Variants in GARNL3 observed in about 807,000 individuals in gnomAD.
The protein encoded by GARNL3 is GTPase-activating Rap/Ran-GAP domain-like protein 3.
A neutral mutation model predicts 125.0 loss-of-function variants in GARNL3; 63 were observed. That is an observed-to-expected ratio of 0.50 (90% CI 0.41 to 0.62). The LOEUF (loss-of-function observed/expected upper bound fraction) is 0.62, where lower values mean the gene tolerates loss of function less well. Among genes scored for constraint, GARNL3 ranks in the 20% least tolerant of loss-of-function variants. The pLI is 0.00. For missense variants in GARNL3, 994 were observed against 1,244.0 expected (o/e 0.80, Z 3.02); for synonymous variants, 439 against 457.5 (o/e 0.96, Z 0.52).
chr9:127,310,496 T>C (rs2065063617), intron 2 of GARNL3, among the ~76,000 whole-genome samples: 1 of 152,136 alleles, frequency 6.6e-6, no homozygotes, highest in Non-Finnish European at 1.5e-5. Context: ...CTAAATGTTA[T>C]ACAGGCCAGG....
At chr9:127,373,768 A>G (rs1831732425) in intron 22 of GARNL3, among the ~76,000 whole-genome samples, 4 of 152,206 alleles carry the variant, frequency 2.6e-5, no homozygotes, top group African/African-American at 9.7e-5. Context: ...TCATGCCTGT[A>G]ATCCCAACAC....
At chr9:127,297,416 G>A (rs1332811804) in intron 2 of GARNL3, among the ~76,000 whole-genome samples, 1 of 152,204 alleles carries the variant, frequency 6.6e-6, no homozygotes. Flanking sequence ...TGGGATTTCA[G>A]CTGTGAGCCA....
intron 22 of GARNL3, 136 bp from the exon 23 acceptor site, chr9:127,383,302 G>T: frequency 1.8e-6 from 1 of 555,426 alleles, no homozygotes. Flanking sequence ...CCAGCATCAT[G>T]GCGGTATTCA....
chr9:127,326,546 A>G lies in GARNL3; in HGVS notation c.594+1451A>G, dbSNP rs186008998. Among the ~76,000 whole-genome samples the G allele has an allele frequency of 9.5e-4, 145 of 152,346 alleles. 1 individual carries two copies. Among genetic ancestry groups the G allele is most frequent in the Middle Eastern group, 3.4e-3 (1 of 294 alleles). ...TTACACATTGCATGCCTGTATCAAA[A>G]CATCTCATGTACCCCATAAATATAA... On this transcript the variant is annotated intron_variant, in intron 7 of 27. Transcript: ENST00000373387.
At chr9:127,388,636 C>G (rs1455781323) in intron 25 of GARNL3, 2 of 484,406 alleles carry the variant, frequency 4.1e-6, no homozygotes, top group African/African-American at 3.9e-5. Flanking sequence ...AGCAGGGCAG[C>G]TTTTTGCTTT....
chr9:127,387,600 G>A (rs548715756), intron 25 of GARNL3, among the ~76,000 whole-genome samples: 5 of 151,980 alleles, frequency 3.3e-5, no homozygotes, highest in East Asian at 1.9e-4. Flanking sequence ...AAAATTAGCC[G>A]GGTGTGGTGG....
chr9:127,393,383 G>A lies in GARNL3; in HGVS notation c.*129G>A. ...AGTGATCTATTGGACCAAACCTTCT[G>A]CACACTCGGCCAGTTCCCTCTCCAA... On this transcript the variant is annotated 3_prime_UTR_variant, in exon 28 of 28. Transcript: ENST00000373387. The A allele has an allele frequency of 1.4e-6, 1 of 726,706 alleles. No homozygotes were observed. Among genetic ancestry groups the A allele is most frequent in the Non-Finnish European group, 2.2e-6 (1 of 456,344 alleles). 45.0% of individuals were successfully genotyped at this position (726,706 alleles called of 1,614,324 possible). A position where few individuals can be genotyped will look rare whatever the true frequency, so the allele number is the denominator to read the frequency against.
At chr9:127,380,186 C>G (rs1421694303) in intron 22 of GARNL3, among the ~76,000 whole-genome samples, 1 of 143,320 alleles carries the variant, frequency 7.0e-6, no homozygotes, top group Non-Finnish European at 1.5e-5. Context: ...GAGCAAGACT[C>G]TGTCTCAAAA....
chr9:127,339,292 G>A (rs534643272), intron 12 of GARNL3, among the ~76,000 whole-genome samples: 26 of 124,698 alleles, frequency 2.1e-4, no homozygotes, highest in Non-Finnish European at 2.6e-4. Context: ...GCGAGACTCC[G>A]TCTCAAAAAA....
chr9:127,342,296 A>G lies in GARNL3; in HGVS notation c.1213A>G (p.Arg405Gly). The stretch of plus-strand genomic sequence containing the variant: ...TCGGCGTACCCTGGATATGTTGATT[A>G]GATCTTTACACCAGGATTTGATGCC... ...KRRRTLDMLI[R>G]SLHQDLMPDL... Residue 405 changes from arginine to glycine, a missense_variant, in exon 14 of 28, where the codon AGA (arginine) becomes GGA (glycine). By Grantham distance (125) the Arg-to-Gly change is moderately radical. This residue lies in a region of GARNL3 where 728 missense variants were observed against 865.7 expected (regional missense o/e 0.84). Transcript: ENST00000373387. 6.2e-7 allele frequency: 1 copy of G among 1,613,702 alleles called. No individual in the cohort carries two copies. The highest frequency in any genetic ancestry group is 8.5e-7 in the Non-Finnish European group (1 of 1,179,572).
At chr9:127,305,348 T>G (rs908973231) in intron 2 of GARNL3, among the ~76,000 whole-genome samples, 14 of 152,184 alleles carry the variant, frequency 9.2e-5, no homozygotes, top group East Asian at 3.8e-4. Flanking sequence ...TGGGATTTTT[T>G]TTGTTGTTGT....
In GARNL3 at chr9:127,388,935, T is replaced by A; in HGVS notation, c.2559T>A (p.Ile853=). 6.2e-7 allele frequency: 1 copy of A among 1,611,842 alleles called. No homozygotes were observed. Among genetic ancestry groups the A allele is most frequent in the Middle Eastern group, 1.7e-4 (1 of 6,060 alleles). The change falls in exon 26 of 28, where the codon ATT becomes ATA. Residue 853 remains isoleucine (I), a synonymous_variant. Coordinates refer to ENST00000373387, the MANE Select transcript of GARNL3 (RefSeq NM_032293.5). ...GEIQSKNLYK[I]PLRNLVGRSI... ...TTCAATCAAAAAATCTGTACAAGAT[T>A]CCACTTAGAAACCTCGTGGGCAGAA...
At chr9:127,298,899 C>T (rs921917730) in intron 2 of GARNL3, among the ~76,000 whole-genome samples, 5 of 152,186 alleles carry the variant, frequency 3.3e-5, no homozygotes, top group Non-Finnish European at 7.3e-5. Context: ...AGATGTATTA[C>T]TGGTGAGGAA....
At chr9:127,292,777 G>A (rs1284648367) in intron 2 of GARNL3, among the ~76,000 whole-genome samples, 1 of 152,202 alleles carries the variant, frequency 6.6e-6, no homozygotes, top group Non-Finnish European at 1.5e-5. Context: ...GATAGGTTCT[G>A]GGACCCAGTC....
chr9:127,286,807 CA>C (rs2064261881), intron 1 of GARNL3, among the ~76,000 whole-genome samples: 1 of 152,192 alleles, frequency 6.6e-6, no homozygotes, highest in Non-Finnish European at 1.5e-5. Context: ...ATCAACTTAT[CA>C]TAGGATCAAT....
rs556146070 is a variant in GARNL3 at position 127,291,027 on chromosome 9, A to T, written c.145-141A>T. 1.1e-5 allele frequency: 8 copies of T among 758,428 alleles called. No homozygotes were observed. In the African/African-American group the frequency reaches 1.4e-4, roughly 13 times the overall value. 47.0% of individuals were successfully genotyped at this position (758,428 alleles called of 1,614,324 possible). A position where few individuals can be genotyped will look rare whatever the true frequency, so the allele number is the denominator to read the frequency against. ...AGCCAACTGTATGAGTACCTGCCTG[A>T]TAGAGCTTTAAAAAAACTGTTAGCT... On this transcript the variant is annotated intron_variant, in intron 1 of 27. Transcript: ENST00000373387.
intron 22 of GARNL3, among the ~76,000 whole-genome samples, chr9:127,373,791 A>G (rs1831733833): frequency 6.6e-6 from 1 of 152,186 alleles, no homozygotes; most frequent in African/African-American, 2.4e-5. Context: ...TGGGAGGTTG[A>G]TGTGGGCAGA....
At chr9:127,389,352 AG>A (rs1564205202) in intron 26 of GARNL3, among the ~76,000 whole-genome samples, 1 of 152,200 alleles carries the variant, frequency 6.6e-6, no homozygotes. Context: ...AGCCATGTGA[AG>A]GGGGGAAATG....
chr9:127,386,230 G>T (rs370469346), intron 24 of GARNL3, among the ~76,000 whole-genome samples: 2 of 152,112 alleles, frequency 1.3e-5, no homozygotes, highest in African/African-American at 4.8e-5. Context: ...TAGGTAATCT[G>T]CTATAAAACT....
Sources: gnomAD v4.1 joint callset for allele counts (sites outside exome capture counted in the v4.1 genomes callset) on GRCh38, gnomAD v4.1.1 for gene constraint, gnomAD v4.1.1 regional missense constraint, MANE v1.5 for transcripts, NCBI Gene and HGNC (gene_info 2026-07-23, HGNC 2026-07-21) for gene names.